The following TBL1XR1 variants were observed in gnomAD, a reference collection of about 807,000 sequenced individuals.
TBL1XR1 encodes the protein F-box-like/WD repeat-containing protein TBL1XR1.
TBL1XR1 carries 5 observed loss-of-function variants against 66.9 expected under a neutral mutation model. That is an observed-to-expected ratio of 0.07 (90% CI 0.04 to 0.16). The LOEUF is 0.16. Ranked by LOEUF, TBL1XR1 falls within the 10% of genes least tolerant of loss-of-function variation. TBL1XR1 has a pLI of 1.00. For synonymous variants in TBL1XR1, 210 were observed against 206.0 expected, an observed-to-expected ratio of 1.02 and a Z score of -0.17; for missense variants, 238 against 623.2, an observed-to-expected ratio of 0.38 and a Z score of 6.58.
intron 1 of TBL1XR1, among the ~76,000 whole-genome samples, chr3:177,123,824 A>G (rs746213095): frequency 1.2e-4 from 18 of 152,048 alleles, no homozygotes; most frequent in Non-Finnish European, 2.1e-4. Context: ...ATCATTTACA[A>G]AATAAGAACA....
intron 2 of TBL1XR1, among the ~76,000 whole-genome samples, chr3:177,081,556 C>T (rs983288958): frequency 2.0e-5 from 3 of 151,956 alleles, no homozygotes; most frequent in Non-Finnish European, 4.4e-5. Flanking sequence ...TCTACACCAG[C>T]CTGGGCAACA....
At chr3:177,162,387 T>C (rs1732324447) in intron 1 of TBL1XR1, among the ~76,000 whole-genome samples, 1 of 152,238 alleles carries the variant, frequency 6.6e-6, no homozygotes, top group South Asian at 2.1e-4. Context: ...CCGGAAGGCA[T>C]GAAATGTTCC....
intron 2 of TBL1XR1, among the ~76,000 whole-genome samples, chr3:177,069,850 A>G (rs1016030661): frequency 2.7e-5 from 4 of 150,678 alleles, no homozygotes; most frequent in African/African-American, 7.3e-5. Flanking sequence ...GGAAGGAAGG[A>G]AGGAAAAACA....
chr3:177,061,225 C>A (rs967282669), intron 3 of TBL1XR1, among the ~76,000 whole-genome samples: 1 of 152,156 alleles, frequency 6.6e-6, no homozygotes, highest in African/African-American at 2.4e-5. Flanking sequence ...CCCTTCTCCA[C>A]AGCAACGTAT....
In TBL1XR1 at chr3:177,046,202, G is replaced by C; in HGVS notation, c.865-13C>G. The C allele has an allele frequency of 6.5e-7, 1 of 1,526,728 alleles. No individual in the cohort carries two copies. The highest frequency in any genetic ancestry group is 8.8e-7 in the Non-Finnish European group (1 of 1,138,386). The allele number at this position is 1,526,728 out of a possible 1,614,324, so 94.6% of individuals were successfully genotyped here. ...AAATAATTGTAGTCTGAGATTAAAA[G>C]GAAAAGAAAAATAAACTCATGGAAA... On this transcript the variant is annotated splice_polypyrimidine_tract_variant and intron_variant, in intron 9 of 15. Transcript: ENST00000457928.
chr3:177,126,815 CAA>C (rs10559049), intron 1 of TBL1XR1, among the ~76,000 whole-genome samples: 61,638 of 148,110 alleles, frequency 0.42, 12,743 homozygotes, highest in Middle Eastern at 0.47. Context: ...CATTTTCAGC[CAA>C]AAAAAAAAAA....
At chr3:177,091,227 C>T (rs981076774) in intron 2 of TBL1XR1, 3 of 151,886 alleles carry the variant, frequency 2.0e-5, no homozygotes, top group Admixed American at 2.0e-4. Flanking sequence ...AGTCACTACT[C>T]ATACTGGTTA....
intron 3 of TBL1XR1, among the ~76,000 whole-genome samples, chr3:177,057,167 T>C (rs1717909704): frequency 6.6e-6 from 1 of 152,182 alleles, no homozygotes. Flanking sequence ...ACATCTAACA[T>C]CTTGAATATG....
intron 1 of TBL1XR1, among the ~76,000 whole-genome samples, chr3:177,151,381 C>A (rs1259445226): frequency 1.3e-5 from 2 of 152,224 alleles, no homozygotes; most frequent in African/African-American, 4.8e-5. Flanking sequence ...CACCAGTCCA[C>A]GGCAGTGGGG....
chr3:177,092,007 G>A (rs1411510992), intron 2 of TBL1XR1, among the ~76,000 whole-genome samples: 1 of 152,112 alleles, frequency 6.6e-6, no homozygotes, highest in Non-Finnish European at 1.5e-5. Flanking sequence ...CAAACATTGG[G>A]TGCTTCCTTA....
intron 2 of TBL1XR1, among the ~76,000 whole-genome samples, chr3:177,079,259 G>A (rs994427335): frequency 2.6e-5 from 4 of 151,050 alleles, no homozygotes; most frequent in Non-Finnish European, 4.4e-5. Flanking sequence ...GTGAAACCCC[G>A]TCTCCACTAA....
At chr3:177,188,929 C>T (rs775071190) in intron 1 of TBL1XR1, among the ~76,000 whole-genome samples, 6 of 152,120 alleles carry the variant, frequency 3.9e-5, no homozygotes, top group Non-Finnish European at 8.8e-5. Context: ...AAATTTTGGG[C>T]GGGTGCGGTG....
At chr3:177,075,280 T>C (rs559163086) in intron 2 of TBL1XR1, among the ~76,000 whole-genome samples, 1 of 152,374 alleles carries the variant, frequency 6.6e-6, no homozygotes, top group South Asian at 2.1e-4. Flanking sequence ...TGTCTGAGTC[T>C]TTACGTGGCA....
intron 2 of TBL1XR1, among the ~76,000 whole-genome samples, chr3:177,089,693 A>G (rs1027941796): frequency 1.3e-5 from 2 of 152,178 alleles, no homozygotes; most frequent in African/African-American, 4.8e-5. Context: ...AAACCAAATT[A>G]ATTTTTAGAA....
intron 1 of TBL1XR1, among the ~76,000 whole-genome samples, chr3:177,142,984 T>TA (rs1729801783): frequency 6.6e-6 from 1 of 151,930 alleles, no homozygotes; most frequent in Admixed American, 6.6e-5. Context: ...GGTGGTCTAT[T>TA]TAGTGCCACG....
intron 1 of TBL1XR1, among the ~76,000 whole-genome samples, chr3:177,167,119 T>C (rs1037605562): frequency 6.6e-6 from 1 of 152,244 alleles, no homozygotes; most frequent in Non-Finnish European, 1.5e-5. Flanking sequence ...TAGGTCAAAG[T>C]TGATAAACTT....
intron 2 of TBL1XR1, among the ~76,000 whole-genome samples, chr3:177,095,934 C>T (rs1410855635): frequency 6.6e-6 from 1 of 152,120 alleles, no homozygotes; most frequent in Non-Finnish European, 1.5e-5. Context: ...TCCCACTTAT[C>T]CTAACTTGAT....
intron 3 of TBL1XR1, among the ~76,000 whole-genome samples, chr3:177,057,798 A>T (rs1490513629): frequency 6.6e-6 from 1 of 152,136 alleles, no homozygotes; most frequent in Non-Finnish European, 1.5e-5. Flanking sequence ...AAGTACTCTA[A>T]ACACTGACTA....
chr3:177,037,444 A>C (rs1714953445), intron 12 of TBL1XR1: 1 of 152,332 alleles, frequency 6.6e-6, no homozygotes, highest in Non-Finnish European at 1.5e-5. Flanking sequence ...GGGTGTTCCC[A>C]GTTGAGACAG....
Sources: allele counts gnomAD v4.1 joint callset (sites outside exome capture counted in the v4.1 genomes callset), GRCh38; gene constraint gnomAD v4.1.1; transcripts MANE v1.5; gene names NCBI Gene and HGNC (gene_info 2026-07-23, HGNC 2026-07-21).